NR6A1: variants seen among roughly 807,000 people sequenced by gnomAD.
NR6A1 encodes the protein nuclear receptor subfamily 6 group A member 1, also known as retinoic acid receptor-related testis-associated receptor.
NR6A1 carries 7 observed loss-of-function variants against 59.1 expected under a neutral mutation model. The observed-to-expected ratio is 0.12, with a 90% confidence interval of 0.07 to 0.22. NR6A1 has a LOEUF of 0.22. Ranked by LOEUF, NR6A1 falls within the 10% of genes least tolerant of loss-of-function variation. NR6A1 has a pLI of 1.00. For synonymous variants in NR6A1, 243 were observed against 236.1 expected (o/e 1.03, Z -0.27); for missense variants, 468 against 611.6 (o/e 0.77, Z 2.48).
chr9:124,560,930 G>C (rs1834069006), intron 2 of NR6A1, among the ~76,000 whole-genome samples: 1 of 152,048 alleles, frequency 6.6e-6, no homozygotes, highest in African/African-American at 2.4e-5. Flanking sequence ...GACATACACT[G>C]CAATCAAGGG....
chr9:124,601,583 C>CAA (rs11346749), intron 2 of NR6A1, among the ~76,000 whole-genome samples: 1,676 of 89,958 alleles, frequency 0.019, 54 homozygotes, highest in African/African-American at 0.067. Context: ...GACTCTGTGT[C>CAA]AAAAAAAAAA....
rs566512066 is a variant in NR6A1 at position 124,622,349 on chromosome 9, G to A, written c.143-67779C>T. On this transcript the variant is annotated intron_variant, in intron 2 of 9. Coordinates refer to ENST00000487099, the MANE Select transcript of NR6A1 (RefSeq NM_033334.4). ...CTTCACACTAAACTGGGTTGACAAT[G>A]TCGGTGATCTCCCTAAGTCCCGTTT... 2.6e-5 allele frequency among the ~76,000 whole-genome samples: 4 copies of A among 152,334 alleles called. No homozygotes were observed. The South Asian group carries it at 8.3e-4, about 32-fold the overall frequency.
chr9:124,627,836 G>C (rs1836288105), intron 2 of NR6A1, among the ~76,000 whole-genome samples: 1 of 144,088 alleles, frequency 6.9e-6, no homozygotes, highest in South Asian at 2.2e-4. Context: ...GCCTCCCAAA[G>C]TGCTAGGATT....
chr9:124,564,357 T>C (rs990702750), intron 2 of NR6A1, among the ~76,000 whole-genome samples: 6 of 152,188 alleles, frequency 3.9e-5, no homozygotes, highest in Non-Finnish European at 5.9e-5. Context: ...TTCAACACTG[T>C]AGGGAAGGTC....
intron 2 of NR6A1, among the ~76,000 whole-genome samples, chr9:124,591,998 A>C (rs558011599): frequency 2.0e-5 from 3 of 152,350 alleles, no homozygotes; most frequent in East Asian, 3.9e-4. Flanking sequence ...CGGCTTAAAA[A>C]GAAACCCCAG....
At chr9:124,567,945 G>A (rs1197424756) in intron 2 of NR6A1, among the ~76,000 whole-genome samples, 7 of 150,626 alleles carry the variant, frequency 4.6e-5, no homozygotes, top group Non-Finnish European at 7.4e-5. Flanking sequence ...GGAGGCCAGG[G>A]CGGGTGGATC....
At chr9:124,761,015 TAGAG>T (rs2131195913) in intron 1 of NR6A1, among the ~76,000 whole-genome samples, 1 of 152,146 alleles carries the variant, frequency 6.6e-6, no homozygotes, top group African/African-American at 2.4e-5. Context: ...ATTCCAAGAA[TAGAG>T]AGAGGAAGTC....
intron 2 of NR6A1, among the ~76,000 whole-genome samples, chr9:124,630,127 A>G (rs1836380450): frequency 6.6e-6 from 1 of 152,110 alleles, no homozygotes; most frequent in Non-Finnish European, 1.5e-5. Flanking sequence ...ATTATATTTT[A>G]TCATACAATA....
intron 9 of NR6A1, among the ~76,000 whole-genome samples, chr9:124,523,653 G>A (rs746631394): frequency 4.6e-5 from 7 of 151,778 alleles, no homozygotes; most frequent in Non-Finnish European, 7.4e-5. Context: ...TATCTCATGT[G>A]GTAAACTCTA....
intron 1 of NR6A1, among the ~76,000 whole-genome samples, chr9:124,753,075 T>C (rs769193172): frequency 6.6e-6 from 1 of 152,226 alleles, no homozygotes; most frequent in Non-Finnish European, 1.5e-5. Flanking sequence ...ATCACCTATG[T>C]CAGTGTTTCC....
At chr9:124,623,772 T>C (rs1317273104) in intron 2 of NR6A1, among the ~76,000 whole-genome samples, 1 of 152,178 alleles carries the variant, frequency 6.6e-6, no homozygotes, top group Non-Finnish European at 1.5e-5. Context: ...CTGTACTATA[T>C]GGGGTCTTGA....
At position 124,771,281 on chromosome 9, in the gene NR6A1, G is replaced by C. The variant is rs1348886062; in HGVS notation, c.-162C>G. 2 of 392,206 alleles carry C rather than the reference G, an allele frequency of 5.1e-6. No homozygotes were observed. The highest frequency in any genetic ancestry group is 3.7e-5 in the East Asian group (1 of 27,206). The allele number at this position is 392,206 out of a possible 1,614,324, so 24.3% of individuals were successfully genotyped here. On this transcript the variant is annotated 5_prime_UTR_variant, in exon 1 of 10. Coordinates refer to ENST00000487099, the MANE Select transcript of NR6A1 (RefSeq NM_033334.4). ...GAGCCGCCCGGCTCCGCGCCGCTCC[G>C]CGCCCCTCCGCGCCGCGCCCCCTCA...
intron 2 of NR6A1, among the ~76,000 whole-genome samples, chr9:124,587,511 T>C (rs1017715669): frequency 6.6e-6 from 1 of 152,112 alleles, no homozygotes; most frequent in Non-Finnish European, 1.5e-5. Flanking sequence ...AAGGACCAAT[T>C]AGTATGCTTT....
chr9:124,733,561 T>C (rs898130232), intron 1 of NR6A1, among the ~76,000 whole-genome samples: 12 of 152,146 alleles, frequency 7.9e-5, no homozygotes, highest in African/African-American at 2.2e-4. Context: ...TACCACAGAA[T>C]TGTAATGAGG....
intron 2 of NR6A1, among the ~76,000 whole-genome samples, chr9:124,641,734 G>A (rs1457148630): frequency 6.6e-6 from 1 of 152,216 alleles, no homozygotes; most frequent in Non-Finnish European, 1.5e-5. Context: ...GGGAAGGTAG[G>A]TCAGGAACTG....
chr9:124,759,558 A>G (rs751151724), intron 1 of NR6A1, among the ~76,000 whole-genome samples: 3 of 152,192 alleles, frequency 2.0e-5, no homozygotes, highest in Non-Finnish European at 2.9e-5. Context: ...AAAGGCTCAT[A>G]TTCCTGACTT....
chr9:124,742,772 A>C (rs1369437733), intron 1 of NR6A1, among the ~76,000 whole-genome samples: 1 of 151,836 alleles, frequency 6.6e-6, no homozygotes, highest in East Asian at 1.9e-4. Context: ...GCTACTCAAG[A>C]GGCTGAGGCA....
At chr9:124,599,498 T>G (rs1835386168) in intron 2 of NR6A1, 6 of 515,198 alleles carry the variant, frequency 1.2e-5, no homozygotes, top group Non-Finnish European at 3.7e-6. Context: ...AACTACTGGC[T>G]TAAACTGAGG....
Position 124,671,223 on chromosome 9 carries a change from T to C in NR6A1, c.142+62085A>G, listed in dbSNP as rs142875510. On this transcript the variant is annotated intron_variant, in intron 2 of 9. Coordinates refer to ENST00000487099, the MANE Select transcript of NR6A1 (RefSeq NM_033334.4). Reference sequence around the variant, plus strand: ...ATATATACTACTGAACTGTATATTTTAAAAGGGTTAAGATGGTAAATTTCT... The same window carrying C: ...ATATATACTACTGAACTGTATATTTCAAAAGGGTTAAGATGGTAAATTTCT... Among the ~76,000 whole-genome samples the C allele has an allele frequency of 1.2e-3, 182 of 152,326 alleles. 1 individual carries two copies. The East Asian group carries it at 0.032, about 27-fold the overall frequency.
Sources: allele counts gnomAD v4.1 joint callset (sites outside exome capture counted in the v4.1 genomes callset), GRCh38; gene constraint gnomAD v4.1.1; transcripts MANE v1.5; gene names NCBI Gene and HGNC (gene_info 2026-07-23, HGNC 2026-07-21).